SRGAP2: variants seen among roughly 807,000 people sequenced by gnomAD.
The protein encoded by SRGAP2 is SLIT-ROBO Rho GTPase activating protein 2.
SRGAP2 carries 15 observed loss-of-function variants against 57.2 expected under a neutral mutation model. The observed-to-expected ratio is 0.26, with a 90% CI of 0.18 to 0.40. The LOEUF is 0.40. SRGAP2 is among the 10% of genes least tolerant of loss of function. SRGAP2 has a pLI of 1.00. For missense variants in SRGAP2, 520 were observed against 669.6 expected, an observed-to-expected ratio of 0.78 and a Z score of 2.47; for synonymous variants, 249 against 248.0, an observed-to-expected ratio of 1.00 and a Z score of -0.04.
chr1:206,281,677 C>T (rs1358396520), intron 2 of SRGAP2, among the ~76,000 whole-genome samples: 8 of 108,588 alleles, frequency 7.4e-5, no homozygotes, highest in Admixed American at 2.7e-4. Flanking sequence ...TACTAAAATA[C>T]TTATAATCCT....
chr1:206,226,558 T>C (rs1476958052), intron 2 of SRGAP2, among the ~76,000 whole-genome samples: 2 of 152,184 alleles, frequency 1.3e-5, no homozygotes, highest in Non-Finnish European at 2.9e-5. Flanking sequence ...TCTTCAGATA[T>C]AGGATGAACA....
chr1:206,227,415 A>G (rs577151403), intron 2 of SRGAP2, among the ~76,000 whole-genome samples: 2 of 152,214 alleles, frequency 1.3e-5, no homozygotes, highest in African/African-American at 4.8e-5. Flanking sequence ...AGACCTTCAT[A>G]TAAGGGAAAG....
At chr1:206,253,646 G>C (rs1441643483) in intron 2 of SRGAP2, among the ~76,000 whole-genome samples, 2 of 141,634 alleles carry the variant, frequency 1.4e-5, no homozygotes, top group Non-Finnish European at 3.0e-5. Context: ...CTAGATCTCG[G>C]CTCGCTGCAA....
intron 13 of SRGAP2, among the ~76,000 whole-genome samples, chr1:206,425,521 CTTTTTT>C (rs202139027): frequency 1.3e-5 from 2 of 151,332 alleles, no homozygotes; most frequent in Non-Finnish European, 3.0e-5. Context: ...ACTAACCTCA[CTTTTTT>C]TTTGTTTTGT....
At position 206,249,778 on chromosome 1, in the gene SRGAP2, C is replaced by G. The variant is rs574290161; in HGVS notation, c.67+43741C>G. ...GAAAAGAAAAAAAAAGTCACCTTAT[C>G]AAGACCCTCTAGGCTACTCTGCATA... On this transcript the variant is annotated intron_variant, in intron 2 of 22. Transcript: ENST00000573034. 2.0e-5 allele frequency among the ~76,000 whole-genome samples: 3 copies of G among 151,956 alleles called. No homozygotes were observed. The East Asian group carries it at 5.8e-4, about 29-fold the overall frequency.
intron 3 of SRGAP2, among the ~76,000 whole-genome samples, chr1:206,313,118 G>T: frequency 6.9e-6 from 1 of 145,394 alleles, no homozygotes; most frequent in Non-Finnish European, 1.5e-5. Flanking sequence ...TGTGTTCCTT[G>T]CAGAGACCTT....
intron 3 of SRGAP2, among the ~76,000 whole-genome samples, chr1:206,337,686 G>T: frequency 8.8e-6 from 1 of 114,044 alleles, no homozygotes; most frequent in South Asian, 3.6e-4. Flanking sequence ...AGCCATGAAC[G>T]TAGCAATTAT....
At chr1:206,318,787 A>T (rs1553326738) in intron 3 of SRGAP2, among the ~76,000 whole-genome samples, 1 of 152,118 alleles carries the variant, frequency 6.6e-6, no homozygotes, top group Non-Finnish European at 1.5e-5. Context: ...GAACTAAGTG[A>T]GCATGAACTC....
rs1667232595 is a variant in SRGAP2, at chr1:206,225,677, G to A, written c.67+19640G>A. ...GTGAAATAGATGACACCCCTTTTAC[G>A]TGCCAAATACCTGACCTCCTTTTGC... On this transcript the variant is annotated intron_variant, in intron 2 of 22. Transcript: ENST00000573034. 3.9e-5 allele frequency among the ~76,000 whole-genome samples: 6 copies of A among 152,018 alleles called. 1 individual carries two copies. In the South Asian group the frequency reaches 1.0e-3, roughly 26 times the overall value.
At chr1:206,460,037 A>G (rs1475185247) in intron 22 of SRGAP2, among the ~76,000 whole-genome samples, 1 of 152,200 alleles carries the variant, frequency 6.6e-6, no homozygotes, top group Non-Finnish European at 1.5e-5. Context: ...GTTCTTCCTG[A>G]GCATTTTAAA....
intron 2 of SRGAP2, among the ~76,000 whole-genome samples, chr1:206,243,698 C>T (rs1412845243): frequency 6.6e-6 from 1 of 152,214 alleles, no homozygotes; most frequent in African/African-American, 2.4e-5. Context: ...GTGGGCTTCT[C>T]AGCTGTGCTG....
chr1:206,228,598 G>C (rs1667423967), intron 2 of SRGAP2, among the ~76,000 whole-genome samples: 1 of 151,396 alleles, frequency 6.6e-6, no homozygotes, highest in African/African-American at 2.4e-5. Context: ...TCATGACCTA[G>C]AATCATTCTT....
intron 2 of SRGAP2, among the ~76,000 whole-genome samples, chr1:206,272,751 G>C (rs1321553465): frequency 1.3e-5 from 2 of 152,106 alleles, no homozygotes; most frequent in Non-Finnish European, 2.9e-5. Flanking sequence ...TAATGCATAG[G>C]AAATCCCCAT....
intron 14 of SRGAP2, among the ~76,000 whole-genome samples, chr1:206,436,359 T>A (rs990044876): frequency 2.6e-5 from 4 of 152,034 alleles, no homozygotes; most frequent in African/African-American, 9.7e-5. Context: ...TTCTTTTTTT[T>A]TTTTTTCTTT....
intron 2 of SRGAP2, among the ~76,000 whole-genome samples, chr1:206,256,306 C>T (rs1553312355): frequency 6.6e-6 from 1 of 152,158 alleles, no homozygotes; most frequent in Non-Finnish European, 1.5e-5. Context: ...CCCAGCTGAA[C>T]AATTTGGGAG....
rs1387021179 is a variant in SRGAP2, at chr1:206,445,936, G to T, written c.1875-139G>T. On this transcript the variant is annotated intron_variant, in intron 17 of 22. Coordinates refer to ENST00000573034, the MANE Select transcript of SRGAP2 (RefSeq NM_015326.5). ...AGTTTTCTCCCCAGCTTACTTTCTG[G>T]AAAGTCTCTGACACCCAGAAAGGCA... 6.4e-6 allele frequency: 4 copies of T among 625,778 alleles called. No individual in the cohort carries two copies. The African/African-American group carries it at 7.3e-5, about 11-fold the overall frequency. 38.8% of individuals were successfully genotyped at this position (625,778 alleles called of 1,614,324 possible).
At chr1:206,425,513 T>C (rs1660712717) in intron 13 of SRGAP2, among the ~76,000 whole-genome samples, 2 of 152,168 alleles carry the variant, frequency 1.3e-5, no homozygotes, top group African/African-American at 4.8e-5. Context: ...ACCCATTAAC[T>C]AACCTCACTT....
intron 13 of SRGAP2, among the ~76,000 whole-genome samples, chr1:206,424,467 C>T (rs1660617996): frequency 6.6e-6 from 1 of 152,048 alleles, no homozygotes; most frequent in South Asian, 2.1e-4. Context: ...CCAGCCTGGC[C>T]AACATGGTAA....
In SRGAP2 at chr1:206,426,193, T is replaced by G. The variant is rs962919559; in HGVS notation, c.1495-3969T>G. Among the ~76,000 whole-genome samples the G allele has an allele frequency of 2.0e-5, 3 of 152,316 alleles. No individual in the cohort carries two copies. In the East Asian group the frequency reaches 5.8e-4, roughly 29 times the overall value. Reference sequence around the variant, plus strand: ...TCTCTGCCTTCATGCAATCAAATTTTTTAGCTTATAGATACAAGTGAGAAT... The same window carrying G: ...TCTCTGCCTTCATGCAATCAAATTTGTTAGCTTATAGATACAAGTGAGAAT... On this transcript the variant is annotated intron_variant, in intron 13 of 22. Transcript: ENST00000573034.
Sources: allele counts gnomAD v4.1 joint callset (sites outside exome capture counted in the v4.1 genomes callset), GRCh38; gene constraint gnomAD v4.1.1; transcripts MANE v1.5; gene names NCBI Gene and HGNC (gene_info 2026-07-23, HGNC 2026-07-21).